Variants in CD248 observed in about 807,000 individuals in gnomAD.
The protein encoded by CD248 is endosialin.
Under a neutral mutation model 8.0 loss-of-function variants are expected in CD248, and 7 were observed. The ratio of observed to expected loss-of-function variants is 0.88; its 90% CI spans 0.50 to 1.64. CD248 has a LOEUF of 1.64. CD248 is among the 40% of genes most tolerant of loss of function. CD248 has a pLI of 0.00. For synonymous variants in CD248, 418 were observed against 437.1 expected (o/e 0.96, Z 0.54); for missense variants, 912 against 1,027.2 (o/e 0.89, Z 1.53).
In CD248 at chr11:66,315,432, C is replaced by T. The variant is rs1854532681; in HGVS notation, c.1596G>A (p.Met532Ile). The change falls in exon 1 of 1, where the codon ATG becomes ATA. Residue 532 changes from methionine (M) to isoleucine (I), a missense_variant. Met to Ile is a conservative substitution (Grantham distance 10, BLOSUM62 1). Coordinates refer to ENST00000311330, the MANE Select transcript of CD248 (RefSeq NM_020404.3). This position sits in a 1 kb window ranked among gnomAD's most constrained non-coding sequence, Gnocchi z 4.3. ...TGCCAGCGACCCGGGTGTCTGGAAA[C>T]ATGGGGGACTGGTGGGCAGGGAAGA... ...PELFPAHQSP[M>I]FPDTRVAGTQ... The T allele has an allele frequency of 6.2e-7, 1 of 1,613,190 alleles. No individual in the cohort carries two copies. The highest frequency in any genetic ancestry group is 1.3e-5 in the African/African-American group (1 of 74,812).
At position 66,316,494 on chromosome 11, in the gene CD248, C is replaced by T; in HGVS notation, c.534G>A (p.Val178=). Residue 178 remains valine, a synonymous_variant, in exon 1 of 1, where the codon GTG becomes GTA. Coordinates refer to ENST00000311330, the MANE Select transcript of CD248 (RefSeq NM_020404.3). The part of the protein sequence containing the change: ...QDEAGQAGPA[V]YTTPFHLVST... ...AGACCAGGTGGAAGGGCGTGGTATA[C>T]ACGGCTGGGCCGGCCTGGCCCGCCT... 1 of 1,597,842 alleles carries T rather than the reference C, an allele frequency of 6.3e-7. No individual in the cohort carries two copies. The highest frequency in any genetic ancestry group is 8.5e-7 in the Non-Finnish European group (1 of 1,178,980).
At position 66,316,932 on chromosome 11, in the gene CD248, G is replaced by A; in HGVS notation, c.96C>T (p.Ser32=). 6.4e-7 allele frequency: 1 copy of A among 1,554,444 alleles called. No homozygotes were observed. Among genetic ancestry groups the A allele is most frequent in the Non-Finnish European group, 8.6e-7 (1 of 1,161,094 alleles). ...AAEPRAACGP[S]SCYALFPRRR... ...GCCGTGGGAAGAGAGCGTAGCAGCT[G>A]CTGGGGCCGCAGGCGGCACGGGGCT... is the stretch of plus-strand genomic sequence containing the variant. Residue 32 remains serine (S), a synonymous_variant, in exon 1 of 1, where the codon AGC becomes AGT. Coordinates refer to ENST00000311330, the MANE Select transcript of CD248 (RefSeq NM_020404.3).
In CD248 at chr11:66,316,402, G is replaced by A. The variant is rs759099892; in HGVS notation, c.626C>T (p.Ala209Val). 2 of 1,607,640 alleles carry A rather than the reference G, an allele frequency of 1.2e-6. No individual in the cohort carries two copies. Among genetic ancestry groups the A allele is most frequent in the Admixed American group, 1.7e-5 (1 of 60,018 alleles). The change falls in exon 1 of 1, where the codon GCC becomes GTC. Residue 209 changes from alanine to valine, a missense_variant. Physicochemically the swap from Ala to Val is moderately conservative, Grantham distance 64. Around this residue, in one of 3 missense-constraint regions of CD248, gnomAD observed 403 missense variants for 446.2 expected, o/e 0.90. Coordinates refer to ENST00000311330, the MANE Select transcript of CD248 (RefSeq NM_020404.3). ...AGGCTGCTTCACGCAGAGCAGAGAG[G>A]CTCCCCTGCCAGCCTGGCACTGCAC... Reference protein sequence around the residue: ...AAVQCQAGRGASLLCVKQPEG... With the variant: ...AAVQCQAGRGVSLLCVKQPEG...
In CD248 at chr11:66,316,850, T is replaced by C; in HGVS notation, c.178A>G (p.Thr60Ala). ...TGGGCCTCCTCGGGGGTCCGAGGAGTGGCCAGGTCGCCCCCCAGCTCGCGG... is the reference window on the plus strand; with the variant it reads ...TGGGCCTCCTCGGGGGTCCGAGGAGCGGCCAGGTCGCCCCCCAGCTCGCGG... Reference protein sequence around the residue: ...ACRELGGDLATPRTPEEAQRV... With the variant: ...ACRELGGDLAAPRTPEEAQRV... Residue 60 changes from threonine to alanine, a missense_variant, in exon 1 of 1, where the codon ACT becomes GCT. Around this residue, in one of 3 missense-constraint regions of CD248, gnomAD observed 403 missense variants for 446.2 expected, o/e 0.90. Coordinates refer to ENST00000311330, the MANE Select transcript of CD248 (RefSeq NM_020404.3). 1 of 1,551,516 alleles carries C rather than the reference T, an allele frequency of 6.4e-7. No individual in the cohort carries two copies. Among genetic ancestry groups the C allele is most frequent in the Non-Finnish European group, 8.7e-7 (1 of 1,155,868 alleles).
rs963448739 is a variant in CD248 at position 66,316,699 on chromosome 11, T to A, written c.329A>T (p.Gln110Leu). 3.7e-6 allele frequency: 6 copies of A among 1,606,722 alleles called. No individual in the cohort carries two copies. In the Middle Eastern group the frequency reaches 5.7e-4, roughly 153 times the overall value. The change falls in exon 1 of 1, where the codon CAG becomes CTG. Residue 110 changes from glutamine to leucine, a missense_variant. Physicochemically the swap from Gln to Leu is moderately radical, Grantham distance 113. Transcript: ENST00000311330. ...LRGFTWTTGD[Q>L]DTAFTNWAQP... ...GGCCCAGTTGGTGAAAGCCGTGTCC[T>A]GGTCCCCTGTGGTCCACGTGAAGCC...
Position 66,316,716 on chromosome 11 carries a change from C to T in CD248, c.312G>A (p.Thr104=), listed in dbSNP as rs754544871. The change falls in exon 1 of 1, where the codon ACG becomes ACA. Residue 104 remains threonine (T), a synonymous_variant. Coordinates refer to ENST00000311330, the MANE Select transcript of CD248 (RefSeq NM_020404.3). ...CQLQRPLRGF[T]WTTGDQDTAF... ...CCGTGTCCTGGTCCCCTGTGGTCCA[C>T]GTGAAGCCGCGCAGTGGGCGCTGCA... 9 of 1,605,656 alleles carry T rather than the reference C, an allele frequency of 5.6e-6. No individual in the cohort carries two copies. Among genetic ancestry groups the T allele is most frequent in the East Asian group, 2.2e-5 (1 of 44,872 alleles).
In CD248 at chr11:66,316,362, G is replaced by A. The variant is rs748157453; in HGVS notation, c.666C>T (p.Gly222=). 6.2e-7 allele frequency: 1 copy of A among 1,612,090 alleles called. No individual in the cohort carries two copies. The highest frequency in any genetic ancestry group is 8.5e-7 in the Non-Finnish European group (1 of 1,179,926). ...GGCACAGGGGCCCAGCCCGTGACCA[G>A]CCCACACCTCCCTCAGGCTGCTTCA... ...LCVKQPEGGV[G]WSRAGPLCLG... The change falls in exon 1 of 1, where the codon GGC becomes GGT. Residue 222 remains glycine, a synonymous_variant. Coordinates refer to ENST00000311330, the MANE Select transcript of CD248 (RefSeq NM_020404.3).
chr11:66,316,909 C>T lies in CD248; in HGVS notation c.119G>A (p.Arg40Gln), dbSNP rs1296610311. ...CCAGGCCTCCAGGAAGGTGCGGCGC[C>T]GTGGGAAGAGAGCGTAGCAGCTGCT... ...GPSSCYALFPRRRTFLEAWRA... is the reference protein window; with the variant it reads ...GPSSCYALFPQRRTFLEAWRA... The change falls in exon 1 of 1, where the codon CGG (arginine) becomes CAG (glutamine). Residue 40 changes from arginine to glutamine, a missense_variant. By Grantham distance (43) the Arg-to-Gln change is conservative. Transcript: ENST00000311330. The T allele has an allele frequency of 1.0e-5, 16 of 1,558,486 alleles. No individual in the cohort carries two copies. Among genetic ancestry groups the T allele is most frequent in the East Asian group, 9.4e-5 (4 of 42,770 alleles).
Position 66,315,377 on chromosome 11 carries a change from G to A in CD248, c.1651C>T (p.Pro551Ser), listed in dbSNP as rs1854531411. The change falls in exon 1 of 1, where the codon CCA (proline) becomes TCA (serine). Residue 551 changes from proline (P) to serine (S), a missense_variant. Around this residue, in one of 3 missense-constraint regions of CD248, gnomAD observed 507 missense variants for 562.2 expected, o/e 0.90. Coordinates refer to ENST00000311330, the MANE Select transcript of CD248 (RefSeq NM_020404.3). This position sits in a 1 kb window ranked among gnomAD's most constrained non-coding sequence, Gnocchi z 4.3. Reference sequence around the variant, plus strand: ...GTGACCAGAGGGGCATGGTTAGGTGGGATTCCAGGCAAATGAGTGGTGGTC... The same window carrying A: ...GTGACCAGAGGGGCATGGTTAGGTGAGATTCCAGGCAAATGAGTGGTGGTC... ...TQTTTHLPGI[P>S]PNHAPLVTTL... 1 of 1,608,020 alleles carries A rather than the reference G, an allele frequency of 6.2e-7. No individual in the cohort carries two copies. Among genetic ancestry groups the A allele is most frequent in the Non-Finnish European group, 8.5e-7 (1 of 1,176,246 alleles).
rs1325162130 is a variant in CD248, at chr11:66,314,804, G to A, written c.2224C>T (p.Pro742Ser). ...AGSKSPTEPM[P>S]PRGSLTGVQT... is the part of the protein sequence containing the mutation. ...ACCCCTGTGAGGCTGCCCCTGGGGG[G>A]CATGGGTTCTGTTGGGCTCTTGCTC... Residue 742 changes from proline to serine, a missense_variant, in exon 1 of 1, where the codon CCC becomes TCC. Pro to Ser is a moderately conservative substitution (Grantham distance 74). Transcript: ENST00000311330. This position sits in a 1 kb window ranked among gnomAD's most constrained non-coding sequence, Gnocchi z 4.0. 1.3e-6 allele frequency: 2 copies of A among 1,562,684 alleles called. No homozygotes were observed. Among genetic ancestry groups the A allele is most frequent in the Non-Finnish European group, 1.7e-6 (2 of 1,153,500 alleles).
In CD248 at chr11:66,316,360, C is replaced by T. The variant is rs1360051349; in HGVS notation, c.668G>A (p.Trp223Ter). The change falls in exon 1 of 1, where the codon TGG becomes TAG. Residue 223 changes from tryptophan to a stop codon, truncating the protein, a stop_gained. Transcript: ENST00000311330. LOFTEE classifies it low-confidence loss of function (END_TRUNC). ...CVKQPEGGVG[W>*]SRAGPLCLGT... ...CAGGCACAGGGGCCCAGCCCGTGAC[C>T]AGCCCACACCTCCCTCAGGCTGCTT... 6.2e-7 allele frequency: 1 copy of T among 1,612,266 alleles called. No homozygotes were observed. Among genetic ancestry groups the T allele is most frequent in the Non-Finnish European group, 8.5e-7 (1 of 1,179,930 alleles).
rs148839336 is a variant in CD248 at position 66,316,575 on chromosome 11, G to A, written c.453C>T (p.Val151=). 89 of 1,600,714 alleles carry A rather than the reference G, an allele frequency of 5.6e-5. No individual in the cohort carries two copies. The highest frequency in any genetic ancestry group is 3.9e-4 in the African/African-American group (29 of 74,906). ...AGCCAAACTGGCACAGGTAGCCGTC[G>A]ACAGCCAGCGTGCACGAGCCCTCCA... ...RWLEGSCTLA[V]DGYLCQFGFE... is the part of the protein sequence containing the mutation. The change falls in exon 1 of 1, where the codon GTC becomes GTT. Residue 151 remains valine (V), a synonymous_variant. Transcript: ENST00000311330.
At position 66,316,779 on chromosome 11, in the gene CD248, C is replaced by A. The variant is rs1854556443; in HGVS notation, c.249G>T (p.Leu83=). The part of the protein sequence containing the change: ...LVGAGPASRL[L]WIGLQRQARQ... ...GGGCCTGCCGCTGCAGCCCGATCCACAGCAGCCGGCTGGCTGGGCCCGCAC... is the reference window on the plus strand; with the variant it reads ...GGGCCTGCCGCTGCAGCCCGATCCAAAGCAGCCGGCTGGCTGGGCCCGCAC... The change falls in exon 1 of 1, where the codon CTG becomes CTT. Residue 83 remains leucine (L), a synonymous_variant. Coordinates refer to ENST00000311330, the MANE Select transcript of CD248 (RefSeq NM_020404.3). 2 of 1,596,058 alleles carry A rather than the reference C, an allele frequency of 1.3e-6. No individual in the cohort carries two copies. The highest frequency in any genetic ancestry group is 2.7e-5 in the African/African-American group (2 of 74,862).
chr11:66,316,352 C>A lies in CD248; in HGVS notation c.676G>T (p.Ala226Ser). The A allele has an allele frequency of 4.3e-6, 7 of 1,612,540 alleles. No homozygotes were observed. The highest frequency in any genetic ancestry group is 5.1e-6 in the Non-Finnish European group (6 of 1,179,916). Residue 226 changes from alanine (A) to serine (S), a missense_variant, in exon 1 of 1, where the codon GCT (alanine) becomes TCT (serine). Physicochemically the swap from Ala to Ser is moderately conservative, Grantham distance 99. Coordinates refer to ENST00000311330, the MANE Select transcript of CD248 (RefSeq NM_020404.3). ...CCAGTCCCCAGGCACAGGGGCCCAG[C>A]CCGTGACCAGCCCACACCTCCCTCA... Reference protein sequence around the residue: ...QPEGGVGWSRAGPLCLGTGCS... With the variant: ...QPEGGVGWSRSGPLCLGTGCS...
Position 66,315,128 on chromosome 11 carries a change from T to C in CD248, c.1900A>G (p.Ser634Gly), listed in dbSNP as rs1854528464. 1 of 1,543,342 alleles carries C rather than the reference T, an allele frequency of 6.5e-7. No homozygotes were observed. The highest frequency in any genetic ancestry group is 1.4e-5 in the African/African-American group (1 of 72,554). ...GCTTTGGAATGGGGATGTGTAGGGC[T>C]GATGGGTGAGGTCTGGTTAGTGGGG... ...QSPTNQTSPI[S>G]PTHPHSKAPQ... The change falls in exon 1 of 1, where the codon AGC (serine) becomes GGC (glycine). Residue 634 changes from serine to glycine, a missense_variant. Physicochemically the swap from Ser to Gly is moderately conservative, Grantham distance 56. Transcript: ENST00000311330. This position sits in a 1 kb window ranked among gnomAD's most constrained non-coding sequence, Gnocchi z 4.3.
In CD248 at chr11:66,314,951, C is replaced by T. The variant is rs758145299; in HGVS notation, c.2077G>A (p.Val693Met). The change falls in exon 1 of 1, where the codon GTG becomes ATG. Residue 693 changes from valine to methionine, a missense_variant. By Grantham distance (21) the Val-to-Met change is conservative (BLOSUM62 1). This residue lies in a region of CD248 where 507 missense variants were observed against 562.2 expected (regional missense o/e 0.90). Transcript: ENST00000311330. The surrounding 1 kb of genome is among the most constrained non-coding windows in gnomAD (Gnocchi z 4.0). ...ACCACCAAAAAGACACACGTTGGCACCAGGAGTGCCACCAGCAGCCACCGG... is the reference window on the plus strand; with the variant it reads ...ACCACCAAAAAGACACACGTTGGCATCAGGAGTGCCACCAGCAGCCACCGG... The part of the protein sequence containing the change: ...DDRWLLVALL[V>M]PTCVFLVVLL... 3.7e-6 allele frequency: 6 copies of T among 1,613,354 alleles called. No individual in the cohort carries two copies. In the South Asian group the frequency reaches 5.5e-5, roughly 15 times the overall value.
rs1382197905 is a variant in CD248 at position 66,314,517 on chromosome 11, G to A, written c.*237C>T. On this transcript the variant is annotated 3_prime_UTR_variant, in exon 1 of 1. Transcript: ENST00000311330. This position sits in a 1 kb window ranked among gnomAD's most constrained non-coding sequence, Gnocchi z 4.0. ...GGTAAGGTTGACACCCCATTTATTGGAGAAGACCCCAGCACCCGCCCCCTG... is the reference window on the plus strand; with the variant it reads ...GGTAAGGTTGACACCCCATTTATTGAAGAAGACCCCAGCACCCGCCCCCTG... The A allele has an allele frequency of 1.6e-5, 8 of 497,508 alleles. No individual in the cohort carries two copies. Among genetic ancestry groups the A allele is most frequent in the Non-Finnish European group, 2.9e-5 (8 of 277,266 alleles). The allele number at this position is 497,508 out of a possible 1,614,324, so 30.8% of individuals were successfully genotyped here.
chr11:66,316,279 A>G lies in CD248; in HGVS notation c.749T>C (p.Val250Ala). Residue 250 changes from valine to alanine, a missense_variant, in exon 1 of 1, where the codon GTG (valine) becomes GCG (alanine). Transcript: ENST00000311330. ...GCAGCGGCAGGACACGTGACCATCC[A>G]CCTCCTCCACACATTCGTGTTCGCA... ...GGCEHECVEE[V>A]DGHVSCRCTE... The G allele has an allele frequency of 6.2e-7, 1 of 1,612,380 alleles. No individual in the cohort carries two copies. The highest frequency in any genetic ancestry group is 8.5e-7 in the Non-Finnish European group (1 of 1,179,596).
Position 66,314,887 on chromosome 11 carries a change from C to T in CD248, c.2141G>A (p.Gly714Asp), listed in dbSNP as rs754806986. 1.4e-5 allele frequency: 23 copies of T among 1,610,994 alleles called. No individual in the cohort carries two copies. Among genetic ancestry groups the T allele is most frequent in the Middle Eastern group, 1.6e-4 (1 of 6,076 alleles). Residue 714 changes from glycine (G) to aspartate (D), a missense_variant, in exon 1 of 1, where the codon GGC (glycine) becomes GAC (aspartate). By Grantham distance (94) the Gly-to-Asp change is moderately conservative. Around this residue, in one of 3 missense-constraint regions of CD248, gnomAD observed 507 missense variants for 562.2 expected, o/e 0.90. Transcript: ENST00000311330. The surrounding 1 kb of genome is among the most constrained non-coding windows in gnomAD (Gnocchi z 4.0). ...ALGIVYCTRCGPHAPNKRITD... is the reference protein window; with the variant it reads ...ALGIVYCTRCDPHAPNKRITD... The stretch of plus-strand genomic sequence containing the variant: ...GATGCGCTTGTTGGGTGCATGGGGG[C>T]CACAGCGGGTGCAGTACACGATGCC...
Sources: allele counts gnomAD v4.1 joint callset, GRCh38; gene constraint gnomAD v4.1.1; regional missense constraint gnomAD v4.1.1; non-coding constraint Gnocchi (gnomAD v3.1); transcripts MANE v1.5; gene names NCBI Gene and HGNC (gene_info 2026-07-23, HGNC 2026-07-21).